The following EEFSEC variants were observed in gnomAD, a reference collection of about 807,000 sequenced individuals.
EEFSEC encodes the protein eukaryotic elongation factor, selenocysteine-tRNA specific.
Under a neutral mutation model 42.1 loss-of-function variants are expected in EEFSEC, and 43 were observed. The ratio of observed to expected loss-of-function variants is 1.02; its 90% confidence interval spans 0.80 to 1.32. The LOEUF (loss-of-function observed/expected upper bound fraction) is 1.32. EEFSEC is among the 40% of genes most tolerant of loss of function. The probability of loss-of-function intolerance (pLI) is 0.00; values close to 1 mark genes in which losing one functional copy is unlikely to be tolerated. For synonymous variants in EEFSEC, 354 were observed against 339.1 expected (o/e 1.04, Z -0.48); for missense variants, 745 against 803.6 (o/e 0.93, Z 0.88).
At chr3:128,209,475 TGCTAGGTAAG>T (rs1559869440) in intron 1 of EEFSEC, among the ~76,000 whole-genome samples, 1 of 152,122 alleles carries the variant, frequency 6.6e-6, no homozygotes, top group Admixed American at 6.6e-5. Flanking sequence ...CTCCTTTGGG[TGCTAGGTAAG>T]GCTAGGCGCC....
intron 1 of EEFSEC, among the ~76,000 whole-genome samples, chr3:128,174,986 T>A (rs1178559373): frequency 6.6e-6 from 1 of 152,150 alleles, no homozygotes; most frequent in South Asian, 2.1e-4. Flanking sequence ...AAAAATAGAT[T>A]TATTGTTTTA....
intron 6 of EEFSEC, among the ~76,000 whole-genome samples, chr3:128,395,953 A>T (rs770817460): frequency 4.6e-5 from 7 of 152,170 alleles, no homozygotes; most frequent in Non-Finnish European, 1.0e-4. Flanking sequence ...CTGCTGTGTC[A>T]CCAAGCCTGG....
intron 1 of EEFSEC, among the ~76,000 whole-genome samples, chr3:128,154,668 C>G (rs1255795223): frequency 1.3e-5 from 2 of 152,172 alleles, no homozygotes; most frequent in African/African-American, 4.8e-5. Flanking sequence ...TCAGGCTGGT[C>G]TCAAACTCCT....
chr3:128,193,422 C>T (rs1288365822), intron 1 of EEFSEC, among the ~76,000 whole-genome samples: 1 of 152,246 alleles, frequency 6.6e-6, no homozygotes, highest in Non-Finnish European at 1.5e-5. Flanking sequence ...CCTACTGGCA[C>T]TTCGGGGGAG....
chr3:128,301,239 A>G (rs1407314380), intron 4 of EEFSEC, among the ~76,000 whole-genome samples: 1 of 152,210 alleles, frequency 6.6e-6, no homozygotes, highest in Non-Finnish European at 1.5e-5. Context: ...GAAAGGTTAC[A>G]TAACTGGGAG....
chr3:128,247,048 G>A lies in EEFSEC; in HGVS notation c.524+5G>A, dbSNP rs762725133. On this transcript the variant is annotated splice_donor_5th_base_variant and intron_variant, in intron 2 of 6. Transcript: ENST00000254730. ...GAAGACCCTAGAGAACACCAAGTAG[G>A]TCTGCTAATGAGAGCAATGTTCACT... is the stretch of plus-strand genomic sequence containing the variant. The A allele has an allele frequency of 5.0e-6, 8 of 1,613,752 alleles. No homozygotes were observed. In the South Asian group the frequency reaches 6.6e-5, roughly 13 times the overall value.
rs2067565716 is a variant in EEFSEC at position 128,364,527 on chromosome 3, C to G, written c.1600+6154C>G. Reference sequence around the variant, plus strand: ...GGCCAGGGTCAGGAAAAGGCCAGGACAGTGGAAAGACCATGGGATGGGGAG... The same window carrying G: ...GGCCAGGGTCAGGAAAAGGCCAGGAGAGTGGAAAGACCATGGGATGGGGAG... On this transcript the variant is annotated intron_variant, in intron 6 of 6. Coordinates refer to ENST00000254730, the MANE Select transcript of EEFSEC (RefSeq NM_021937.5). 1.3e-5 allele frequency among the ~76,000 whole-genome samples: 2 copies of G among 152,224 alleles called. 1 individual carries two copies. Among genetic ancestry groups the G allele is most frequent in the South Asian group, 4.1e-4 (2 of 4,832 alleles).
Position 128,399,386 on chromosome 3 carries a change from G to A in EEFSEC, c.1601-8683G>A, listed in dbSNP as rs1045730286. ...AAAGGGGTGCATGAGCCCGTCGAGT[G>A]CGCGCTTGAGAGCCTCGGAAAGAGC... On this transcript the variant is annotated intron_variant, in intron 6 of 6. Coordinates refer to ENST00000254730, the MANE Select transcript of EEFSEC (RefSeq NM_021937.5). 5.9e-5 allele frequency among the ~76,000 whole-genome samples: 9 copies of A among 152,254 alleles called. 1 individual carries two copies. Among genetic ancestry groups the A allele is most frequent in the Admixed American group, 5.9e-4 (9 of 15,292 alleles).
intron 6 of EEFSEC, among the ~76,000 whole-genome samples, chr3:128,404,474 G>A (rs555463038): frequency 7.2e-5 from 11 of 152,346 alleles, no homozygotes; most frequent in Admixed American, 3.9e-4. Flanking sequence ...CACAGACGCC[G>A]GGGAGCCCCA....
intron 4 of EEFSEC, among the ~76,000 whole-genome samples, chr3:128,337,414 C>G (rs1303471680): frequency 6.6e-6 from 1 of 152,206 alleles, no homozygotes; most frequent in Non-Finnish European, 1.5e-5. Context: ...TTGAATAAAG[C>G]CTGCTTGACG....
chr3:128,153,654 C>A lies in EEFSEC; in HGVS notation c.147C>A (p.Leu49=). Residue 49 remains leucine, a synonymous_variant, in exon 1 of 7, where the codon CTC becomes CTA. Transcript: ENST00000254730. ...AGAGCCGCGAGCGCGGCATCACGCT[C>A]GATCTGGGCTTCTCGTGCTTCTCGG... ...QPQSRERGIT[L]DLGFSCFSVP... 1 of 1,598,622 alleles carries A rather than the reference C, an allele frequency of 6.3e-7. No homozygotes were observed. Among genetic ancestry groups the A allele is most frequent in the South Asian group, 1.1e-5 (1 of 90,368 alleles).
chr3:128,258,008 G>A (rs929663570), intron 2 of EEFSEC, among the ~76,000 whole-genome samples: 4 of 152,170 alleles, frequency 2.6e-5, no homozygotes, highest in Non-Finnish European at 5.9e-5. Context: ...GCATGAAATT[G>A]CGTTTTAAAA....
At chr3:128,305,999 T>C (rs1209210558) in intron 4 of EEFSEC, among the ~76,000 whole-genome samples, 1 of 152,236 alleles carries the variant, frequency 6.6e-6, no homozygotes, top group Non-Finnish European at 1.5e-5. Flanking sequence ...ACTTCTCTTT[T>C]GCATCCTTCT....
chr3:128,224,867 C>T (rs570656333), intron 1 of EEFSEC, among the ~76,000 whole-genome samples: 20 of 152,304 alleles, frequency 1.3e-4, no homozygotes, highest in Admixed American at 6.5e-4. Flanking sequence ...ATATACATCC[C>T]CAAGTCCTTC....
At chr3:128,299,818 C>G (rs1392564269) in intron 4 of EEFSEC, among the ~76,000 whole-genome samples, 1 of 152,234 alleles carries the variant, frequency 6.6e-6, no homozygotes, top group Non-Finnish European at 1.5e-5. Flanking sequence ...TAGCCTTCTT[C>G]TTCGTTGCTT....
At chr3:128,259,404 A>T (rs1458805615) in intron 2 of EEFSEC, among the ~76,000 whole-genome samples, 1 of 152,262 alleles carries the variant, frequency 6.6e-6, no homozygotes, top group African/African-American at 2.4e-5. Flanking sequence ...AGTATATATT[A>T]AAAATAATTT....
the EEFSEC span, among the ~76,000 whole-genome samples, chr3:128,425,299 T>C: frequency 5.4e-4 from 82 of 152,320 alleles, no homozygotes; most frequent in African/African-American, 1.9e-3. Context: ...CAGCAAGGCT[T>C]CCTGGCCTTG....
chr3:128,210,820 G>A (rs1375390017), intron 1 of EEFSEC, among the ~76,000 whole-genome samples: 1 of 152,218 alleles, frequency 6.6e-6, no homozygotes, highest in African/African-American at 2.4e-5. Context: ...CTGCAGAAGA[G>A]CTCCTTCTGT....
At chr3:128,161,850 G>A (rs1286301869) in intron 1 of EEFSEC, among the ~76,000 whole-genome samples, 1 of 152,028 alleles carries the variant, frequency 6.6e-6, no homozygotes, top group African/African-American at 2.4e-5. Flanking sequence ...AGATTTTTTT[G>A]TGATACCCGT....
Sources: gnomAD v4.1 joint callset for allele counts (sites outside exome capture counted in the v4.1 genomes callset) on GRCh38, gnomAD v4.1.1 for gene constraint, MANE v1.5 for transcripts, NCBI Gene and HGNC (gene_info 2026-07-23, HGNC 2026-07-21) for gene names.